The following NKAIN3 variants were observed in gnomAD, a reference collection of about 807,000 sequenced individuals.
The protein encoded by NKAIN3 is sodium/potassium transporting ATPase interacting 3.
In NKAIN3, 25 loss-of-function variants were observed where a neutral mutation model predicts 30.2. The observed-to-expected ratio is 0.83, with a 90% CI of 0.60 to 1.16. NKAIN3 has a LOEUF of 1.16. Ranked by LOEUF, NKAIN3 falls within the 50% of genes most tolerant of loss-of-function variation. The probability of loss-of-function intolerance (pLI) is 0.00; values close to 1 mark genes in which losing one functional copy is unlikely to be tolerated. For missense variants in NKAIN3, 225 were observed against 254.1 expected (o/e 0.89, Z 0.78); for synonymous variants, 91 against 89.6 (o/e 1.02, Z -0.09).
intron 1 of NKAIN3, among the ~76,000 whole-genome samples, chr8:62,382,026 T>C (rs1724157940): frequency 6.6e-6 from 1 of 152,090 alleles, no homozygotes; most frequent in Non-Finnish European, 1.5e-5. Context: ...GTTGTTTTAG[T>C]ACAGCCCATC....
intron 1 of NKAIN3, among the ~76,000 whole-genome samples, chr8:62,540,233 AGCT>A (rs1808796347): frequency 6.6e-6 from 1 of 152,178 alleles, no homozygotes; most frequent in Non-Finnish European, 1.5e-5. Flanking sequence ...AATGTGCTTT[AGCT>A]GCTTTCTCTT....
intron 1 of NKAIN3, among the ~76,000 whole-genome samples, chr8:62,297,590 C>T (rs1390474234): frequency 5.3e-5 from 8 of 151,988 alleles, no homozygotes; most frequent in Non-Finnish European, 8.8e-5. Context: ...CATCACTGGC[C>T]GTCAGAGAAA....
intron 4 of NKAIN3, among the ~76,000 whole-genome samples, chr8:62,770,815 C>T (rs953484446): frequency 6.7e-6 from 1 of 149,498 alleles, no homozygotes; most frequent in Non-Finnish European, 1.5e-5. Flanking sequence ...GAGACTTCAG[C>T]GACCAGAAGC....
intron 2 of NKAIN3, among the ~76,000 whole-genome samples, chr8:62,582,824 G>A (rs1018402147): frequency 9.1e-6 from 1 of 109,626 alleles, no homozygotes; most frequent in Non-Finnish European, 2.2e-5. Flanking sequence ...TGGCAGTGAA[G>A]AGGAATGAGA....
chr8:62,590,403 CAT>C (rs913927614), intron 3 of NKAIN3, among the ~76,000 whole-genome samples: 7 of 151,840 alleles, frequency 4.6e-5, no homozygotes, highest in Admixed American at 2.6e-4. Flanking sequence ...CAGCAAAGCA[CAT>C]GATTTTATTA....
chr8:62,757,857 G>A (rs946337114), intron 4 of NKAIN3, among the ~76,000 whole-genome samples: 1 of 152,288 alleles, frequency 6.6e-6, no homozygotes, highest in South Asian at 2.1e-4. Context: ...GCCAAGTGAA[G>A]GCCTTGGGCC....
At chr8:62,667,382 T>G (rs1813158482) in intron 3 of NKAIN3, among the ~76,000 whole-genome samples, 1 of 146,016 alleles carries the variant, frequency 6.8e-6, no homozygotes, top group African/African-American at 2.5e-5. Flanking sequence ...TATAAATATA[T>G]ATATATATAA....
intron 3 of NKAIN3, among the ~76,000 whole-genome samples, chr8:62,741,362 A>AGAAGGACGGAAGGAAG (rs1429910797): frequency 7.2e-5 from 10 of 137,948 alleles, no homozygotes; most frequent in Non-Finnish European, 3.1e-5. Flanking sequence ...AGAGAGAGAA[A>AGAAGGACGGAAGGAAG]GAAGGAAGGA....
chr8:62,946,530 G>T (rs1015652884), intron 5 of NKAIN3, among the ~76,000 whole-genome samples: 1 of 152,174 alleles, frequency 6.6e-6, no homozygotes, highest in Non-Finnish European at 1.5e-5. Context: ...CTTCATTATG[G>T]TGGGGTGCTG....
rs1585652035 is a variant in NKAIN3, at chr8:62,299,586, A to T, written c.54+50459A>T. Among the ~76,000 whole-genome samples, 5 of 152,226 alleles carry T rather than the reference A, an allele frequency of 3.3e-5. No homozygotes were observed. In the East Asian group the frequency reaches 9.7e-4, roughly 29 times the overall value. Reference sequence around the variant, plus strand: ...TTATCATTACCTTTTTTTCATATGAAGTCAAGATTTATATTCAAACTAGTT... The same window carrying T: ...TTATCATTACCTTTTTTTCATATGATGTCAAGATTTATATTCAAACTAGTT... On this transcript the variant is annotated intron_variant, in intron 1 of 6. Coordinates refer to ENST00000623646, the MANE Select transcript of NKAIN3 (RefSeq NM_001304533.3).
intron 4 of NKAIN3, among the ~76,000 whole-genome samples, chr8:62,813,841 A>G (rs1434067476): frequency 6.6e-6 from 1 of 152,008 alleles, no homozygotes; most frequent in African/African-American, 2.4e-5. Flanking sequence ...GGGCCAGTCT[A>G]GTGGTGATGA....
intron 3 of NKAIN3, among the ~76,000 whole-genome samples, chr8:62,694,875 C>G (rs1472741115): frequency 6.6e-6 from 1 of 152,214 alleles, no homozygotes; most frequent in African/African-American, 2.4e-5. Flanking sequence ...ACCAAACTCT[C>G]TGGTCAATCC....
intron 1 of NKAIN3, among the ~76,000 whole-genome samples, chr8:62,369,911 C>A (rs1211984957): frequency 6.6e-6 from 1 of 151,664 alleles, no homozygotes; most frequent in East Asian, 1.9e-4. Context: ...GGCATTCCAG[C>A]CAAGATAGAA....
intron 1 of NKAIN3, among the ~76,000 whole-genome samples, chr8:62,471,969 A>G (rs1241191875): frequency 6.6e-6 from 1 of 151,694 alleles, no homozygotes; most frequent in African/African-American, 2.4e-5. Context: ...ATCTCAAACC[A>G]ACAAACAAAC....
At chr8:62,310,660 A>T (rs1413966071) in intron 1 of NKAIN3, among the ~76,000 whole-genome samples, 1 of 150,312 alleles carries the variant, frequency 6.7e-6, no homozygotes, top group Non-Finnish European at 1.5e-5. Flanking sequence ...CATTGTTTGA[A>T]GTGTCTGATC....
At chr8:62,423,276 G>T (rs988849681) in intron 1 of NKAIN3, among the ~76,000 whole-genome samples, 7 of 151,938 alleles carry the variant, frequency 4.6e-5, no homozygotes, top group African/African-American at 1.7e-4. Flanking sequence ...AGTCATCTCT[G>T]AAAGAAATAG....
chr8:62,792,139 T>G (rs932230098), intron 4 of NKAIN3, among the ~76,000 whole-genome samples: 1 of 152,148 alleles, frequency 6.6e-6, no homozygotes, highest in African/African-American at 2.4e-5. Flanking sequence ...GTGGCTTCAA[T>G]GTGAATACTC....
chr8:62,251,713 A>G (rs2129386136), intron 1 of NKAIN3, among the ~76,000 whole-genome samples: 1 of 152,296 alleles, frequency 6.6e-6, no homozygotes, highest in East Asian at 1.9e-4. Context: ...ATATTTCTCC[A>G]TTATTTAAAA....
rs1394760765 is a variant in NKAIN3, at chr8:62,984,328, CAT to C, written c.*18923_*18924del. On this transcript the variant is annotated 3_prime_UTR_variant, in exon 7 of 7. Coordinates refer to ENST00000623646, the MANE Select transcript of NKAIN3 (RefSeq NM_001304533.3). The stretch of plus-strand genomic sequence containing the variant: ...GGTAAGAGGGACAGAAAGACAAGAA[CAT>C]AGTACCTTCTATTTCTACTACATGT... 1 of 152,162 alleles carries C rather than the reference CAT, an allele frequency of 6.6e-6. No individual in the cohort carries two copies. The highest frequency in any genetic ancestry group is 1.5e-5 in the Non-Finnish European group (1 of 68,012). 9.4% of individuals were successfully genotyped at this position (152,162 alleles called of 1,614,324 possible). A position where few individuals can be genotyped will look rare whatever the true frequency, so the allele number is the denominator to read the frequency against.
Sources: gnomAD v4.1 joint callset for allele counts (sites outside exome capture counted in the v4.1 genomes callset) on GRCh38, gnomAD v4.1.1 for gene constraint, MANE v1.5 for transcripts, NCBI Gene and HGNC (gene_info 2026-07-23, HGNC 2026-07-21) for gene names.